ZNF609: variants seen among roughly 807,000 people sequenced by gnomAD.
ZNF609 encodes the protein zinc finger protein 609.
ZNF609 carries 11 observed loss-of-function variants against 109.5 expected under a neutral mutation model. The ratio of observed to expected loss-of-function variants is 0.10; its 90% CI spans 0.06 to 0.17. The LOEUF is 0.17. Among genes scored for constraint, ZNF609 ranks in the 10% least tolerant of loss-of-function variants. The probability of loss-of-function intolerance (pLI) is 1.00; values close to 1 mark genes in which losing one functional copy is unlikely to be tolerated. For missense variants in ZNF609, 1,559 were observed against 1,772.4 expected (o/e 0.88, Z 2.16); for synonymous variants, 646 against 662.0 (o/e 0.98, Z 0.37).
At chr15:64,641,557 A>G (rs1376563220) in intron 3 of ZNF609, among the ~76,000 whole-genome samples, 1 of 152,032 alleles carries the variant, frequency 6.6e-6, no homozygotes, top group Non-Finnish European at 1.5e-5. Context: ...AGAAGATCTC[A>G]GAATTAAGGG....
rs891833542 is a variant in ZNF609 at position 64,608,833 on chromosome 15, G to T, written c.748-13994G>T. 2.8e-4 allele frequency among the ~76,000 whole-genome samples: 42 copies of T among 151,750 alleles called. 1 individual carries two copies. The highest frequency in any genetic ancestry group is 1.0e-3 in the African/African-American group (42 of 41,390). ...GGCTTACTGCAGCCTCAACCTCCTG[G>T]GCCCAAGCGATCCTCCCACCTCAGC... On this transcript the variant is annotated intron_variant, in intron 2 of 9. Coordinates refer to ENST00000326648, the MANE Select transcript of ZNF609 (RefSeq NM_015042.2).
chr15:64,675,535 G>T lies in ZNF609; in HGVS notation c.2681G>T (p.Gly894Val). Residue 894 changes from glycine (G) to valine (V), a missense_variant, in exon 5 of 10, where the codon GGC becomes GTC. By Grantham distance (109) the Gly-to-Val change is moderately radical. Transcript: ENST00000326648. The part of the protein sequence containing the change: ...PQSKDSPYYQ[G>V]FESYYSPSYA... ...AGCAAAGACTCACCATATTACCAAG[G>T]CTTTGAGAGTTACTATTCTCCAAGT... is the stretch of plus-strand genomic sequence containing the variant. The T allele has an allele frequency of 1.2e-6, 2 of 1,614,188 alleles. No individual in the cohort carries two copies. Among genetic ancestry groups the T allele is most frequent in the South Asian group, 2.2e-5 (2 of 91,084 alleles).
Position 64,678,254 on chromosome 15 carries a change from G to A in ZNF609, c.3541G>A (p.Glu1181Lys), listed in dbSNP as rs778849533. 1.2e-6 allele frequency: 2 copies of A among 1,614,172 alleles called. No individual in the cohort carries two copies. The highest frequency in any genetic ancestry group is 2.2e-5 in the East Asian group (1 of 44,888). ...RSRSKDSVPK[E>K]DGKESTSSDC... ...TCGGAGTAAGGACTCTGTCCCCAAGGAAGATGGGAAGGAAAGCACAAGTAG... is the reference window on the plus strand; with the variant it reads ...TCGGAGTAAGGACTCTGTCCCCAAGAAAGATGGGAAGGAAAGCACAAGTAG... Residue 1181 changes from glutamate (E) to lysine (K), a missense_variant, in exon 6 of 10, where the codon GAA (glutamate) becomes AAA (lysine). By Grantham distance (56) the Glu-to-Lys change is moderately conservative. Around this residue, in one of 4 missense-constraint regions of ZNF609, gnomAD observed 1,204 missense variants for 1,314.1 expected, o/e 0.92. Transcript: ENST00000326648.
At chr15:64,529,973 A>G (rs1288590081) in intron 2 of ZNF609, among the ~76,000 whole-genome samples, 2 of 150,670 alleles carry the variant, frequency 1.3e-5, no homozygotes, top group African/African-American at 4.9e-5. Flanking sequence ...CAGGTGATCC[A>G]CCCACCTCGG....
At chr15:64,490,269 G>GTTT (rs1398055637) in intron 1 of ZNF609, among the ~76,000 whole-genome samples, 1 of 16,702 alleles carries the variant, frequency 6.0e-5, no homozygotes. Context: ...CCGGCCAGTA[G>GTTT]TTGTTTTTTT....
chr15:64,596,444 G>A (rs192574726), intron 2 of ZNF609, among the ~76,000 whole-genome samples: 35 of 152,084 alleles, frequency 2.3e-4, no homozygotes, highest in African/African-American at 8.2e-4. Context: ...GTGAGCCACC[G>A]TGCTCTATGC....
At chr15:64,536,854 G>T (rs1274373169) in intron 2 of ZNF609, among the ~76,000 whole-genome samples, 3 of 145,772 alleles carry the variant, frequency 2.1e-5, no homozygotes, top group Non-Finnish European at 4.5e-5. Context: ...AGGCTGCAGT[G>T]AGCCGGAATT....
At chr15:64,462,415 C>T (rs911556097) in intron 1 of ZNF609, among the ~76,000 whole-genome samples, 2 of 152,188 alleles carry the variant, frequency 1.3e-5, no homozygotes, top group African/African-American at 4.8e-5. Context: ...ATGAATGGAA[C>T]ACTCATGCAG....
intron 2 of ZNF609, among the ~76,000 whole-genome samples, chr15:64,588,442 A>AAAAAAAAAAAAAAAAAAAGAAG (rs71133451): frequency 1.3e-4 from 10 of 75,272 alleles, no homozygotes; most frequent in African/African-American, 4.1e-4. Flanking sequence ...AAAAAAAAAA[A>AAAAAAAAAAAAAAAAAAAGAAG]AAGAAGAGGA....
At chr15:64,571,022 T>C (rs1894851872) in intron 2 of ZNF609, among the ~76,000 whole-genome samples, 1 of 152,178 alleles carries the variant, frequency 6.6e-6, no homozygotes, top group South Asian at 2.1e-4. Context: ...CGAGACTCTG[T>C]CTCTAAATAC....
At chr15:64,533,611 G>A (rs543177529) in intron 2 of ZNF609, among the ~76,000 whole-genome samples, 2 of 152,228 alleles carry the variant, frequency 1.3e-5, no homozygotes, top group South Asian at 4.1e-4. Flanking sequence ...CTCCTTGTGG[G>A]TTTAAGTCTT....
chr15:64,558,504 A>G (rs1414821308), intron 2 of ZNF609, among the ~76,000 whole-genome samples: 2 of 152,210 alleles, frequency 1.3e-5, no homozygotes, highest in African/African-American at 4.8e-5. Flanking sequence ...TGTCTGGCTC[A>G]TATTTATTTT....
chr15:64,546,334 T>G (rs1273343268), intron 2 of ZNF609, among the ~76,000 whole-genome samples: 1 of 152,136 alleles, frequency 6.6e-6, no homozygotes, highest in Non-Finnish European at 1.5e-5. Flanking sequence ...AGCCTTGACC[T>G]CCCAGGCTCA....
chr15:64,680,133 A>AGTTT (rs1896861004), intron 6 of ZNF609, 52 bp from the exon 7 acceptor site: 1 of 1,593,934 alleles, frequency 6.3e-7, no homozygotes, highest in South Asian at 1.1e-5. Context: ...ACTAAAGCAG[A>AGTTT]GTTTCCTCTA....
Position 64,577,256 on chromosome 15 carries a change from T to C in ZNF609, c.748-45571T>C, listed in dbSNP as rs992524259. On this transcript the variant is annotated intron_variant, in intron 2 of 9. Coordinates refer to ENST00000326648, the MANE Select transcript of ZNF609 (RefSeq NM_015042.2). The stretch of plus-strand genomic sequence containing the variant: ...ATACATACATATATATGTATATATA[T>C]ACACACAAATATATACATATATGTA... Among the ~76,000 whole-genome samples, 5 of 104,176 alleles carry C rather than the reference T, an allele frequency of 4.8e-5. 2 individuals are homozygous for C. The highest frequency in any genetic ancestry group is 1.6e-4 in the African/African-American group (5 of 30,564). The allele number at this position is 104,176 out of a possible 152,430, so 68.3% of individuals were successfully genotyped here. A position where few individuals can be genotyped will look rare whatever the true frequency, so the allele number is the denominator to read the frequency against.
At chr15:64,508,684 ATTT>A (rs1160116983) in intron 2 of ZNF609, among the ~76,000 whole-genome samples, 25 of 130,480 alleles carry the variant, frequency 1.9e-4, no homozygotes, top group African/African-American at 2.6e-4. Flanking sequence ...GACCCAGAAA[ATTT>A]TTTTTTTTTT....
At chr15:64,676,308 T>C in intron 5 of ZNF609, 52 bp downstream of exon 5, 2 of 1,518,722 alleles carry the variant, frequency 1.3e-6, no homozygotes, top group Non-Finnish European at 1.8e-6. Context: ...ATCGTCTATC[T>C]TCCTCACAAA....
chr15:64,633,806 G>A (rs966042370), intron 3 of ZNF609, among the ~76,000 whole-genome samples: 8 of 151,682 alleles, frequency 5.3e-5, no homozygotes, highest in African/African-American at 1.2e-4. Flanking sequence ...GCTTGAACCC[G>A]GGAGGTAGAG....
intron 2 of ZNF609, among the ~76,000 whole-genome samples, chr15:64,607,919 G>A (rs1352890462): frequency 5.0e-5 from 1 of 20,056 alleles, no homozygotes; most frequent in East Asian, 2.1e-3. Flanking sequence ...TTTTTTTTGA[G>A]ACAGAGTCTC....
Sources: gnomAD v4.1 joint callset for allele counts (sites outside exome capture counted in the v4.1 genomes callset) on GRCh38, gnomAD v4.1.1 for gene constraint, gnomAD v4.1.1 regional missense constraint, MANE v1.5 for transcripts, NCBI Gene and HGNC (gene_info 2026-07-23, HGNC 2026-07-21) for gene names.